The following EHD4 variants were observed in gnomAD, a reference collection of about 807,000 sequenced individuals.
EHD4 encodes EH domain-containing protein 4.
A neutral mutation model predicts 51.0 loss-of-function variants in EHD4; 37 were observed. The ratio of observed to expected loss-of-function variants is 0.73; its 90% confidence interval spans 0.56 to 0.95. The LOEUF is 0.95. Among genes scored for constraint, EHD4 ranks in the 40% least tolerant of loss-of-function variants. EHD4 has a pLI of 0.00. For missense variants in EHD4, 632 were observed against 733.1 expected (o/e 0.86, Z 1.59); for synonymous variants, 297 against 317.3 (o/e 0.94, Z 0.68).
intron 3 of EHD4, among the ~76,000 whole-genome samples, chr15:41,927,132 G>A (rs1443052065): frequency 1.3e-5 from 2 of 152,190 alleles, no homozygotes; most frequent in Non-Finnish European, 2.9e-5. Context: ...ATATACATTT[G>A]CTGACTATAA....
rs1439751940 is a variant in EHD4, at chr15:41,899,104, G to A, written c.*1541C>T. On this transcript the variant is annotated 3_prime_UTR_variant, in exon 6 of 6. Coordinates refer to ENST00000220325, the MANE Select transcript of EHD4 (RefSeq NM_139265.4). ...ATGTGCCTTTTGGAAGACTCAGTGG[G>A]ACGGTTCTGATTTCATTCACTTCTG... 5 of 152,168 alleles carry A rather than the reference G, an allele frequency of 3.3e-5. No individual in the cohort carries two copies. The highest frequency in any genetic ancestry group is 7.3e-5 in the Non-Finnish European group (5 of 68,048). 9.4% of individuals were successfully genotyped at this position (152,168 alleles called of 1,614,324 possible). A position where few individuals can be genotyped will look rare whatever the true frequency, so the allele number is the denominator to read the frequency against.
At chr15:41,921,137 C>A (rs947726016) in intron 3 of EHD4, among the ~76,000 whole-genome samples, 4 of 152,176 alleles carry the variant, frequency 2.6e-5, no homozygotes, top group African/African-American at 9.7e-5. Flanking sequence ...CTGAAGCCCC[C>A]TGTGCACCCC....
intron 1 of EHD4, among the ~76,000 whole-genome samples, chr15:41,969,645 G>A (rs2141011913): frequency 6.6e-6 from 1 of 152,322 alleles, no homozygotes; most frequent in African/African-American, 2.4e-5. Context: ...GGGATTTTCT[G>A]GAGGAATCTT....
At chr15:41,926,332 A>G (rs547659249) in intron 3 of EHD4, among the ~76,000 whole-genome samples, 2 of 152,272 alleles carry the variant, frequency 1.3e-5, no homozygotes, top group East Asian at 3.9e-4. Context: ...CGTGGTGGTG[A>G]CGGAACACTG....
chr15:41,938,739 G>A (rs373851547), intron 3 of EHD4, among the ~76,000 whole-genome samples: 3 of 152,300 alleles, frequency 2.0e-5, no homozygotes, highest in East Asian at 1.9e-4. Context: ...TGAAGGCTAC[G>A]CAAAACCTCA....
intron 2 of EHD4, among the ~76,000 whole-genome samples, chr15:41,947,868 T>G (rs762890143): frequency 5.3e-5 from 8 of 152,190 alleles, no homozygotes; most frequent in Non-Finnish European, 1.2e-4. Flanking sequence ...GAAAGCCCAG[T>G]GCAATGGCCC....
chr15:41,910,390 C>A (rs142586066), intron 4 of EHD4, among the ~76,000 whole-genome samples: 2 of 152,290 alleles, frequency 1.3e-5, no homozygotes, highest in Non-Finnish European at 2.9e-5. Context: ...TGGGATCAGG[C>A]TGGATGGCAG....
At chr15:41,965,158 G>T (rs145000356) in intron 1 of EHD4, among the ~76,000 whole-genome samples, 1 of 152,272 alleles carries the variant, frequency 6.6e-6, no homozygotes, top group African/African-American at 2.4e-5. Context: ...GGCCAAAAAT[G>T]TTCAGTTCAT....
intron 2 of EHD4, among the ~76,000 whole-genome samples, chr15:41,948,253 CA>C (rs950019768): frequency 2.5e-4 from 36 of 144,946 alleles, no homozygotes; most frequent in Non-Finnish European, 4.4e-4. Flanking sequence ...ACTCCGCCTC[CA>C]AAAAAAAAAC....
At chr15:41,963,164 G>C (rs544388756) in intron 1 of EHD4, among the ~76,000 whole-genome samples, 6 of 152,090 alleles carry the variant, frequency 3.9e-5, no homozygotes, top group Admixed American at 2.0e-4. Context: ...GCGGAAGGCC[G>C]CAGGGTCCTC....
At chr15:41,966,412 G>T (rs963372866) in intron 1 of EHD4, among the ~76,000 whole-genome samples, 1 of 152,030 alleles carries the variant, frequency 6.6e-6, no homozygotes, top group East Asian at 1.9e-4. Context: ...CCTTTTCTTG[G>T]TAGCAGCATC....
At chr15:41,914,991 TA>T (rs2067574256) in intron 4 of EHD4, among the ~76,000 whole-genome samples, 1 of 151,846 alleles carries the variant, frequency 6.6e-6, no homozygotes, top group African/African-American at 2.4e-5. Context: ...ATTTTTTTTG[TA>T]ATTTTTGTAT....
At chr15:41,964,765 A>AT (rs1161275945) in intron 1 of EHD4, among the ~76,000 whole-genome samples, 61 of 110,476 alleles carry the variant, frequency 5.5e-4, no homozygotes, top group Non-Finnish European at 8.0e-4. Context: ...GCCTGAAAAA[A>AT]AAAAAAAATA....
chr15:41,928,162 G>C (rs2067675320), intron 3 of EHD4, among the ~76,000 whole-genome samples: 1 of 152,164 alleles, frequency 6.6e-6, no homozygotes, highest in Admixed American at 6.5e-5. Context: ...GTCTGCTTCT[G>C]AAAATGTCTT....
chr15:41,903,325 C>A (rs2067490063), intron 5 of EHD4, among the ~76,000 whole-genome samples: 1 of 27,688 alleles, frequency 3.6e-5, no homozygotes, highest in Admixed American at 7.9e-4. Context: ...ATCATGCTTT[C>A]TTGTAAAAAA....
chr15:41,928,765 T>G (rs548903197), intron 3 of EHD4: 11 of 152,234 alleles, frequency 7.2e-5, no homozygotes, highest in African/African-American at 2.6e-4. Flanking sequence ...TCTCAGCAAC[T>G]ACACCCCCGA....
chr15:41,954,583 G>A (rs987650513), intron 1 of EHD4, among the ~76,000 whole-genome samples: 9 of 152,180 alleles, frequency 5.9e-5, no homozygotes, highest in Admixed American at 4.6e-4. Context: ...TTAAAAGAAT[G>A]AGAAATTAAG....
chr15:41,958,777 C>G (rs913563468), intron 1 of EHD4, among the ~76,000 whole-genome samples: 1 of 152,148 alleles, frequency 6.6e-6, no homozygotes, highest in African/African-American at 2.4e-5. Context: ...GTGCTAAAGT[C>G]TTTACATGAA....
intron 4 of EHD4, among the ~76,000 whole-genome samples, chr15:41,911,206 G>C (rs1409142704): frequency 6.6e-6 from 1 of 152,172 alleles, no homozygotes; most frequent in Non-Finnish European, 1.5e-5. Flanking sequence ...TCTGCACAAG[G>C]GTCGTTTAAC....
Sources: gnomAD v4.1 joint callset for allele counts (sites outside exome capture counted in the v4.1 genomes callset) on GRCh38, gnomAD v4.1.1 for gene constraint, MANE v1.5 for transcripts, NCBI Gene and HGNC (gene_info 2026-07-23, HGNC 2026-07-21) for gene names.